The following RANBP2 variants were observed in gnomAD, a reference collection of about 807,000 sequenced individuals.
RANBP2 encodes E3 SUMO-protein ligase RanBP2.
RANBP2 carries 57 observed loss-of-function variants against 303.6 expected under a neutral mutation model. The observed-to-expected ratio is 0.19, with a 90% confidence interval of 0.15 to 0.23. The LOEUF (loss-of-function observed/expected upper bound fraction) is 0.23, where lower values mean the gene tolerates loss of function less well. Ranked by LOEUF, RANBP2 falls within the 10% of genes least tolerant of loss-of-function variation. RANBP2 has a pLI of 1.00. For missense variants in RANBP2, 3,138 were observed against 3,780.8 expected, an observed-to-expected ratio of 0.83 and a Z score of 4.46; for synonymous variants, 1,167 against 1,301.5, an observed-to-expected ratio of 0.90 and a Z score of 2.23.
chr2:108,932,041 G>T, the RANBP2 span, among the ~76,000 whole-genome samples: 1 of 152,006 alleles, frequency 6.6e-6, no homozygotes, highest in Non-Finnish European at 1.5e-5. Flanking sequence ...GAATTCTCTC[G>T]TCCTTAGCAA....
the RANBP2 span, among the ~76,000 whole-genome samples, chr2:109,067,744 T>A: frequency 6.6e-6 from 1 of 152,234 alleles, no homozygotes; most frequent in South Asian, 2.1e-4. Context: ...GTGCTCAGGC[T>A]GATTCCTGGA....
At chr2:109,702,829 C>A in the RANBP2 span, among the ~76,000 whole-genome samples, 1 of 149,022 alleles carries the variant, frequency 6.7e-6, no homozygotes, top group Admixed American at 6.7e-5. Flanking sequence ...ATTGCAACTA[C>A]GTCATAGGTA....
the RANBP2 span, among the ~76,000 whole-genome samples, chr2:109,707,946 T>C: frequency 2.0e-5 from 3 of 152,200 alleles, no homozygotes; most frequent in East Asian, 5.8e-4. Flanking sequence ...GCATAGAGGG[T>C]GTGGCCTGGA....
At chr2:108,995,622 C>A in the RANBP2 span, among the ~76,000 whole-genome samples, 1 of 152,238 alleles carries the variant, frequency 6.6e-6, no homozygotes, top group African/African-American at 2.4e-5. Flanking sequence ...CTGCTCAGAG[C>A]AATATGCCTG....
the RANBP2 span, chr2:109,732,787 T>C: frequency 3.4e-5 from 31 of 902,712 alleles, no homozygotes; most frequent in Non-Finnish European, 5.3e-5. Flanking sequence ...AACAGACTTT[T>C]GGCTACTGTG....
the RANBP2 span, among the ~76,000 whole-genome samples, chr2:108,984,438 C>T: frequency 2.0e-5 from 3 of 152,124 alleles, no homozygotes; most frequent in South Asian, 2.1e-4. Flanking sequence ...CCCCTTGCCA[C>T]GGCCCGCTCA....
Position 108,735,591 on chromosome 2 carries a change from G to C in RANBP2, c.465G>C (p.Gln155His). The C allele has an allele frequency of 6.3e-7, 1 of 1,597,594 alleles. No homozygotes were observed. The highest frequency in any genetic ancestry group is 2.2e-5 in the East Asian group (1 of 44,886). Residue 155 changes from glutamine (Q) to histidine (H), a missense_variant, in exon 5 of 29, where the codon CAG becomes CAC. Physicochemically the swap from Gln to His is conservative, Grantham distance 24. Transcript: ENST00000283195. ...DGWNKLFDLI[Q>H]SELYVRPDDV... is the part of the protein sequence containing the mutation. ...GGAATAAACTTTTTGACTTGATTCA[G>C]TCAGAACTTTATGTAAGACCTGATG...
At chr2:109,409,392 G>A in the RANBP2 span, among the ~76,000 whole-genome samples, 2 of 152,232 alleles carry the variant, frequency 1.3e-5, no homozygotes, top group Non-Finnish European at 2.9e-5. Context: ...TATCAGAGCA[G>A]CTGGAGACAG....
At chr2:109,083,614 T>C in the RANBP2 span, among the ~76,000 whole-genome samples, 4 of 152,286 alleles carry the variant, frequency 2.6e-5, no homozygotes, top group Non-Finnish European at 5.9e-5. Context: ...GCTGTGAACA[T>C]GGGTGTGCAA....
chr2:108,781,466 A>G (rs1333931227), intron 26 of RANBP2, 37 bp downstream of exon 26: 4 of 1,601,560 alleles, frequency 2.5e-6, no homozygotes, highest in Non-Finnish European at 3.4e-6. Flanking sequence ...CTAATAACTT[A>G]TTTTTCATTT....
intron 15 of RANBP2, 131 bp from the exon 16 acceptor site, chr2:108,754,774 G>GTAT (rs3086018): frequency 0.18 from 211,428 of 1,204,496 alleles, 31,324 homozygotes; most frequent in African/African-American, 0.66. Context: ...ACTTTCACGT[G>GTAT]TATTATTTAA....
chr2:108,883,383 G>A, the RANBP2 span: 1 of 152,352 alleles, frequency 6.6e-6, no homozygotes, highest in East Asian at 1.9e-4. Flanking sequence ...ACGGGGCCAT[G>A]TGCTTTTCAG....
chr2:109,507,758 C>T, the RANBP2 span, among the ~76,000 whole-genome samples: 1 of 152,188 alleles, frequency 6.6e-6, no homozygotes, highest in Non-Finnish European at 1.5e-5. Flanking sequence ...GCCCCAAAAA[C>T]CAACTGGAAT....
the RANBP2 span, among the ~76,000 whole-genome samples, chr2:109,078,225 C>T: frequency 3.3e-4 from 17 of 51,602 alleles, 2 homozygotes; most frequent in African/African-American, 5.3e-4. Context: ...ATATATATAG[C>T]GTGTATATAT....
At chr2:109,060,180 C>T in the RANBP2 span, among the ~76,000 whole-genome samples, 70 of 152,030 alleles carry the variant, frequency 4.6e-4, no homozygotes, top group Middle Eastern at 3.4e-3. Context: ...CCAGCCTGGG[C>T]GACAGAGCAA....
the RANBP2 span, among the ~76,000 whole-genome samples, chr2:108,793,952 T>C: frequency 1.3e-5 from 2 of 152,138 alleles, no homozygotes; most frequent in African/African-American, 4.8e-5. Context: ...TACGAGACTG[T>C]AGCATCTGTA....
chr2:109,567,159 A>G, the RANBP2 span, among the ~76,000 whole-genome samples: 1 of 152,166 alleles, frequency 6.6e-6, no homozygotes, highest in African/African-American at 2.4e-5. Flanking sequence ...TATCCCTCAC[A>G]ACAACCCTTA....
the RANBP2 span, among the ~76,000 whole-genome samples, chr2:109,170,682 C>T: frequency 8.5e-5 from 13 of 152,260 alleles, no homozygotes; most frequent in South Asian, 1.9e-3. Flanking sequence ...TCATCCTGCT[C>T]CACAGTCTGA....
the RANBP2 span, among the ~76,000 whole-genome samples, chr2:109,664,242 A>G: frequency 6.6e-6 from 1 of 152,216 alleles, no homozygotes; most frequent in Non-Finnish European, 1.5e-5. Context: ...AAACAACAAT[A>G]TGAATTTAAA....
Sources: allele counts gnomAD v4.1 joint callset (sites outside exome capture counted in the v4.1 genomes callset), GRCh38; gene constraint gnomAD v4.1.1; transcripts MANE v1.5; gene names NCBI Gene and HGNC (gene_info 2026-07-23, HGNC 2026-07-21).